GALNT13: variants seen among roughly 807,000 people sequenced by gnomAD.
The protein encoded by GALNT13 is UDP-GalNAc:polypeptide N-acetylgalactosaminyltransferase 13.
GALNT13 carries 28 observed loss-of-function variants against 64.2 expected under a neutral mutation model. The ratio of observed to expected loss-of-function variants is 0.44; its 90% CI spans 0.32 to 0.60. The LOEUF is 0.60. Among genes scored for constraint, GALNT13 ranks in the 20% least tolerant of loss-of-function variants. The probability of loss-of-function intolerance (pLI) is 0.05; values close to 1 mark genes in which losing one functional copy is unlikely to be tolerated. For synonymous variants in GALNT13, 214 were observed against 224.6 expected, an observed-to-expected ratio of 0.95 and a Z score of 0.42; for missense variants, 577 against 669.8, an observed-to-expected ratio of 0.86 and a Z score of 1.53.
rs74904501 is a variant in GALNT13 at position 154,382,375 on chromosome 2, T to G, written c.1157-13616T>G. Among the ~76,000 whole-genome samples, 151 of 152,214 alleles carry G rather than the reference T, an allele frequency of 9.9e-4. 3 individuals are homozygous for G. The East Asian group carries it at 0.022, about 23-fold the overall frequency. ...CTTTCATCATGACTGAATGTTACCC[T>G]TATTTAGTGATTACTGAGAAGTTCT... On this transcript the variant is annotated intron_variant, in intron 9 of 12. Coordinates refer to ENST00000392825, the MANE Select transcript of GALNT13 (RefSeq NM_052917.4).
At chr2:153,835,238 C>T in the GALNT13 span, among the ~76,000 whole-genome samples, 1 of 151,906 alleles carries the variant, frequency 6.6e-6, no homozygotes, top group African/African-American at 2.4e-5. Context: ...TAGCGTATAT[C>T]TGGTTGTTTT....
chr2:153,811,935 T>C, the GALNT13 span, among the ~76,000 whole-genome samples: 1 of 152,224 alleles, frequency 6.6e-6, no homozygotes, highest in East Asian at 1.9e-4. Context: ...AATAAACATA[T>C]AGCAAACTGT....
Position 154,227,911 on chromosome 2 carries a change from A to C in GALNT13, c.312-14119A>C, listed in dbSNP as rs191258375. ...TATATTGACTTTGGAAACAATAGAC[A>C]TCATTCTATTTATTGAATTCTGTTT... On this transcript the variant is annotated intron_variant, in intron 4 of 12. Coordinates refer to ENST00000392825, the MANE Select transcript of GALNT13 (RefSeq NM_052917.4). 1.0e-2 allele frequency among the ~76,000 whole-genome samples: 1,519 copies of C among 152,240 alleles called. 14 individuals are homozygous for C. The highest frequency in any genetic ancestry group is 0.017 in the Non-Finnish European group (1,134 of 68,004).
chr2:153,803,099 GC>G, the GALNT13 span, among the ~76,000 whole-genome samples: 1 of 152,102 alleles, frequency 6.6e-6, no homozygotes, highest in South Asian at 2.1e-4. Context: ...CTATTTTAAT[GC>G]CTGTAATTTC....
intron 9 of GALNT13, among the ~76,000 whole-genome samples, chr2:154,318,890 C>A (rs761677785): frequency 6.6e-6 from 1 of 151,950 alleles, no homozygotes; most frequent in East Asian, 1.9e-4. Context: ...CGCACACACA[C>A]GCACACACAT....
chr2:153,895,400 T>G (rs1358684298), intron 1 of GALNT13, among the ~76,000 whole-genome samples: 1 of 152,184 alleles, frequency 6.6e-6, no homozygotes, highest in Non-Finnish European at 1.5e-5. Context: ...ACAAAATGAA[T>G]AATTATTTTA....
At chr2:154,445,700 A>C in intron 12 of GALNT13, 1 of 580,428 alleles carries the variant, frequency 1.7e-6, no homozygotes, top group Non-Finnish European at 2.6e-6. Context: ...TGAAAACATA[A>C]ATCCAATAAT....
At chr2:153,905,665 T>A (rs983319589) in intron 2 of GALNT13, among the ~76,000 whole-genome samples, 1 of 151,998 alleles carries the variant, frequency 6.6e-6, no homozygotes, top group Non-Finnish European at 1.5e-5. Flanking sequence ...CATAAATCTC[T>A]TGTTCTTTCT....
chr2:153,522,884 T>C, the GALNT13 span, among the ~76,000 whole-genome samples: 2 of 152,150 alleles, frequency 1.3e-5, no homozygotes, highest in Non-Finnish European at 2.9e-5. Context: ...AATTCCTTCT[T>C]TCATGGATTG....
chr2:154,430,989 C>T (rs1258774067), intron 11 of GALNT13, among the ~76,000 whole-genome samples: 7 of 152,164 alleles, frequency 4.6e-5, no homozygotes, highest in African/African-American at 1.7e-4. Flanking sequence ...ATGGTGTAAA[C>T]ATAACTCCTA....
intron 3 of GALNT13, among the ~76,000 whole-genome samples, chr2:154,043,455 T>TATACAC (rs1341373277): frequency 0.016 from 1,710 of 104,206 alleles, 33 homozygotes; most frequent in East Asian, 0.025. Flanking sequence ...TATATATATA[T>TATACAC]ACACACATGT....
At chr2:153,559,496 T>C in the GALNT13 span, among the ~76,000 whole-genome samples, 63 of 152,234 alleles carry the variant, frequency 4.1e-4, no homozygotes, top group South Asian at 1.0e-3. Context: ...TAGTAATGTA[T>C]ATACAGAGAG....
chr2:153,436,176 GC>G, the GALNT13 span, among the ~76,000 whole-genome samples: 1 of 152,186 alleles, frequency 6.6e-6, no homozygotes, highest in Non-Finnish European at 1.5e-5. Flanking sequence ...CAGGGATGAA[GC>G]CCACGTGATC....
intron 4 of GALNT13, among the ~76,000 whole-genome samples, chr2:154,200,573 C>T (rs531062943): frequency 6.6e-6 from 1 of 152,274 alleles, no homozygotes; most frequent in South Asian, 2.1e-4. Flanking sequence ...TCCTGGTCTC[C>T]ACTTTCAAGA....
At chr2:153,187,275 G>T in the GALNT13 span, among the ~76,000 whole-genome samples, 1 of 152,294 alleles carries the variant, frequency 6.6e-6, no homozygotes, top group African/African-American at 2.4e-5. Context: ...TGTGAAATGA[G>T]ACTGGAGTGG....
chr2:153,827,336 G>A, the GALNT13 span, among the ~76,000 whole-genome samples: 1 of 152,086 alleles, frequency 6.6e-6, no homozygotes, highest in Non-Finnish European at 1.5e-5. Flanking sequence ...AAAAGTTATG[G>A]GTGGAGGCTG....
chr2:154,265,135 A>G (rs887576181), intron 8 of GALNT13, among the ~76,000 whole-genome samples: 1 of 151,958 alleles, frequency 6.6e-6, no homozygotes, highest in East Asian at 1.9e-4. Context: ...TATTCTACAG[A>G]TGGCTAAAAG....
the GALNT13 span, among the ~76,000 whole-genome samples, chr2:153,207,336 G>A: frequency 5.3e-5 from 8 of 152,092 alleles, no homozygotes; most frequent in Non-Finnish European, 2.9e-5. Flanking sequence ...GCATGTGTAT[G>A]TGTATTTAAT....
At chr2:154,340,616 A>G (rs146786217) in intron 9 of GALNT13, among the ~76,000 whole-genome samples, 2,643 of 152,238 alleles carry the variant, frequency 0.017, 76 homozygotes, top group African/African-American at 0.06. Flanking sequence ...CCATAGCTGA[A>G]GAAAAATCAT....
Sources: gnomAD v4.1 joint callset for allele counts (sites outside exome capture counted in the v4.1 genomes callset) on GRCh38, gnomAD v4.1.1 for gene constraint, MANE v1.5 for transcripts, NCBI Gene and HGNC (gene_info 2026-07-23, HGNC 2026-07-21) for gene names.